The following ANO10 variants were observed in gnomAD, a reference collection of about 807,000 sequenced individuals.
ANO10 encodes the protein anoctamin-10.
Under a neutral mutation model 74.7 loss-of-function variants are expected in ANO10, and 77 were observed. That is an observed-to-expected ratio of 1.03 (90% CI 0.86 to 1.25). ANO10 has a LOEUF of 1.25. ANO10 is among the 50% of genes most tolerant of loss of function. ANO10 has a pLI of 0.00. For missense variants in ANO10, 721 were observed against 778.1 expected (o/e 0.93, Z 0.87); for synonymous variants, 279 against 284.9 (o/e 0.98, Z 0.21).
intron 5 of ANO10, among the ~76,000 whole-genome samples, chr3:43,579,921 A>T (rs1302809045): frequency 6.6e-6 from 1 of 152,008 alleles, no homozygotes; most frequent in Non-Finnish European, 1.5e-5. Context: ...TTGGGAGCCC[A>T]AGGCACAAGG....
At chr3:43,440,404 A>G (rs1575810834) in intron 11 of ANO10, among the ~76,000 whole-genome samples, 1 of 152,186 alleles carries the variant, frequency 6.6e-6, no homozygotes, top group African/African-American at 2.4e-5. Context: ...CAGAATGACC[A>G]TACTTACATC....
chr3:43,425,522 G>A (rs76844885), intron 12 of ANO10, among the ~76,000 whole-genome samples: 1,726 of 152,108 alleles, frequency 0.011, 30 homozygotes, highest in African/African-American at 0.039. Flanking sequence ...TGGGCCAAAG[G>A]GACCTCAGAG....
chr3:43,425,200 C>CT (rs74270681), intron 12 of ANO10, among the ~76,000 whole-genome samples: 2,858 of 131,056 alleles, frequency 0.022, 77 homozygotes, highest in African/African-American at 0.057. Context: ...TTTACTGTAA[C>CT]TTTTTTTTTT....
intron 12 of ANO10, among the ~76,000 whole-genome samples, chr3:43,386,632 T>A (rs1380044659): frequency 2.0e-5 from 3 of 147,364 alleles, no homozygotes; most frequent in African/African-American, 7.6e-5. Flanking sequence ...TTTTGAAAGT[T>A]GTGTGTAGGT....
intron 11 of ANO10, among the ~76,000 whole-genome samples, chr3:43,490,731 A>G (rs2076686764): frequency 6.6e-6 from 1 of 152,236 alleles, no homozygotes; most frequent in Non-Finnish European, 1.5e-5. Context: ...AATAGAACCC[A>G]GAAGTGAATT....
chr3:43,610,330 C>T (rs2082758314), intron 1 of ANO10, among the ~76,000 whole-genome samples: 1 of 152,092 alleles, frequency 6.6e-6, no homozygotes, highest in Admixed American at 6.6e-5. Flanking sequence ...GAAGGACCTG[C>T]CTGAGGCTGT....
At chr3:43,585,448 C>G (rs1048865917) in intron 4 of ANO10, among the ~76,000 whole-genome samples, 1 of 152,318 alleles carries the variant, frequency 6.6e-6, no homozygotes, top group Middle Eastern at 3.4e-3. Flanking sequence ...GACTGGCTAC[C>G]TACACAGTTA....
intron 1 of ANO10, among the ~76,000 whole-genome samples, chr3:43,633,826 C>T (rs2083574950): frequency 6.6e-6 from 1 of 151,840 alleles, no homozygotes; most frequent in Admixed American, 6.6e-5. Context: ...CCTTACTCCT[C>T]AAGTCCCATG....
At chr3:43,430,401 C>T (rs950509968) in intron 12 of ANO10, among the ~76,000 whole-genome samples, 3 of 151,208 alleles carry the variant, frequency 2.0e-5, no homozygotes, top group Middle Eastern at 3.4e-3. Flanking sequence ...TAATAGACTT[C>T]TTATGGTTTA....
At chr3:43,506,465 C>T (rs578246485) in intron 11 of ANO10, among the ~76,000 whole-genome samples, 4 of 152,240 alleles carry the variant, frequency 2.6e-5, no homozygotes, top group African/African-American at 7.2e-5. Flanking sequence ...ATCCAGAGGC[C>T]CCATTAACAC....
intron 12 of ANO10, among the ~76,000 whole-genome samples, chr3:43,418,567 T>A (rs2092776114): frequency 6.6e-6 from 1 of 152,252 alleles, no homozygotes; most frequent in Non-Finnish European, 1.5e-5. Context: ...GCTTCAACAA[T>A]GATTAACTCA....
chr3:43,573,923 A>C (rs113039230), intron 7 of ANO10, among the ~76,000 whole-genome samples: 3 of 152,318 alleles, frequency 2.0e-5, no homozygotes, highest in African/African-American at 7.2e-5. Flanking sequence ...ATAGAAACAT[A>C]TCTAAAAAGT....
chr3:43,687,806 C>G (rs2084293771), intron 1 of ANO10, among the ~76,000 whole-genome samples: 1 of 152,128 alleles, frequency 6.6e-6, no homozygotes, highest in Non-Finnish European at 1.5e-5. Context: ...TGGAGGAAGT[C>G]TGGTCCAAGC....
intron 11 of ANO10, chr3:43,485,546 C>T (rs977306935): frequency 4.0e-6 from 1 of 249,346 alleles, no homozygotes; most frequent in African/African-American, 2.3e-5. Context: ...CCAAGAACCC[C>T]AGGTCAGAGA....
intron 11 of ANO10, among the ~76,000 whole-genome samples, chr3:43,501,407 T>C (rs978702646): frequency 1.2e-4 from 18 of 152,178 alleles, no homozygotes; most frequent in African/African-American, 2.4e-5. Flanking sequence ...TATTTCAACA[T>C]GAGGTTTGGA....
At chr3:43,400,400 A>C (rs562282827) in intron 12 of ANO10, among the ~76,000 whole-genome samples, 1 of 152,106 alleles carries the variant, frequency 6.6e-6, no homozygotes, top group South Asian at 2.1e-4. Context: ...TACATAGAGA[A>C]AGTCGACTGG....
Position 43,605,665 on chromosome 3 carries a change from T to A in ANO10, c.139+49A>T, listed in dbSNP as rs574888475. ...AGCATACAGTGTGGGAGGCTGAGCA[T>A]ACAGTGTGGGAGGCCAGACTAAGTC... On this transcript the variant is annotated intron_variant, in intron 2 of 12. Coordinates refer to ENST00000292246, the MANE Select transcript of ANO10 (RefSeq NM_018075.5). The A allele has an allele frequency of 1.7e-5, 28 of 1,601,992 alleles. No homozygotes were observed. In the African/African-American group the frequency reaches 2.8e-4, roughly 16 times the overall value.
chr3:43,654,222 C>A (rs2083821341), intron 1 of ANO10, among the ~76,000 whole-genome samples: 1 of 152,056 alleles, frequency 6.6e-6, no homozygotes, highest in African/African-American at 2.4e-5. Context: ...TCTGTCCCTG[C>A]ATGCTTCACA....
chr3:43,590,130 T>C (rs2081660836), intron 4 of ANO10, among the ~76,000 whole-genome samples: 1 of 152,204 alleles, frequency 6.6e-6, no homozygotes, highest in Non-Finnish European at 1.5e-5. Context: ...AATTGTAAGA[T>C]GCTTGGGAGA....
Sources: gnomAD v4.1 joint callset for allele counts (sites outside exome capture counted in the v4.1 genomes callset) on GRCh38, gnomAD v4.1.1 for gene constraint, MANE v1.5 for transcripts, NCBI Gene and HGNC (gene_info 2026-07-23, HGNC 2026-07-21) for gene names.